Variants in UMOD observed in about 807,000 individuals in gnomAD.
UMOD encodes the protein uromodulin, also known as Tamm-Horsfall urinary glycoprotein.
UMOD carries 64 observed loss-of-function variants against 66.0 expected under a neutral mutation model. The observed-to-expected ratio is 0.97, with a 90% CI of 0.79 to 1.19. The LOEUF is 1.19. UMOD is among the 50% of genes most tolerant of loss of function. UMOD has a pLI of 0.00. For synonymous variants in UMOD, 398 were observed against 352.7 expected, an observed-to-expected ratio of 1.13 and a Z score of -1.44; for missense variants, 764 against 850.9, an observed-to-expected ratio of 0.90 and a Z score of 1.27.
At chr16:20,349,631 T>A in intron 2 of UMOD, 1 of 1,426,574 alleles carries the variant, frequency 7.0e-7, no homozygotes, top group Non-Finnish European at 9.2e-7. Context: ...ATTCATTTTT[T>A]GTGTTAAGCA....
intron 1 of UMOD, chr16:20,351,429 T>TGCCA (rs1345520835): frequency 5.6e-5 from 9 of 161,074 alleles, no homozygotes; most frequent in African/African-American, 1.9e-4. Context: ...CCAGGGTGGA[T>TGCCA]GCCAGTATTA....
chr16:20,355,620 G>A (rs1017066903), upstream of UMOD, among the ~76,000 whole-genome samples: 1 of 151,672 alleles, frequency 6.6e-6, no homozygotes, highest in Non-Finnish European at 1.5e-5. Context: ...GGCTGGTCTC[G>A]AACTCCTGAC....
At chr16:20,356,029 T>C (rs919639676), upstream of UMOD, among the ~76,000 whole-genome samples, 5 of 152,196 alleles carry the variant, frequency 3.3e-5, no homozygotes, top group African/African-American at 9.7e-5. Flanking sequence ...TAAGTGGTTT[T>C]AGGTAGTTTT....
intron 6 of UMOD, among the ~76,000 whole-genome samples, chr16:20,343,072 G>A (rs1306545533): frequency 6.6e-6 from 1 of 152,012 alleles, no homozygotes; most frequent in African/African-American, 2.4e-5. Context: ...GGAGGTTGAA[G>A]TGAGCCAAGA....
rs143583842 is a variant in UMOD at position 20,341,262 on chromosome 16, G to A, written c.1406C>T (p.Thr469Met). The A allele has an allele frequency of 1.0e-3, 1,637 of 1,614,092 alleles. 3 individuals carry two copies. The highest frequency in any genetic ancestry group is 1.5e-3 in the Admixed American group (93 of 60,006). ...RMALFQTPSYTQPYQGSSVTL... is the reference protein window; with the variant it reads ...RMALFQTPSYMQPYQGSSVTL... ...CACGGAGGAGCCTTGGTAGGGCTGC[G>A]TGTAGGAAGGGGTCTGGAAGAGCGC... is the stretch of plus-strand genomic sequence containing the variant. Residue 469 changes from threonine to methionine, a missense_variant, in exon 7 of 11, where the codon ACG becomes ATG. By Grantham distance (81) the Thr-to-Met change is moderately conservative (BLOSUM62 -1). Transcript: ENST00000396138.
At position 20,348,967 on chromosome 16, in the gene UMOD, A is replaced by C; in HGVS notation, c.334T>G (p.Cys112Gly). The change falls in exon 3 of 11, where the codon TGC (cysteine) becomes GGC (glycine). Residue 112 changes from cysteine to glycine, a missense_variant. Transcript: ENST00000396138. ...PGLGCTDVDE[C>G]AEPGLSHCHA... is the part of the protein sequence containing the mutation. ...CAGTGGCTAAGCCCAGGCTCAGCGC[A>C]CTCATCCACGTCTGTGCAGCCGAGA... 6.4e-7 allele frequency: 1 copy of C among 1,573,344 alleles called. No individual in the cohort carries two copies. The highest frequency in any genetic ancestry group is 8.6e-7 in the Non-Finnish European group (1 of 1,159,562).
rs1965394712 is a variant in UMOD, at chr16:20,344,086, A to G, written c.1269T>C (p.Phe423=). The G allele has an allele frequency of 6.2e-7, 1 of 1,613,876 alleles. No homozygotes were observed. Among genetic ancestry groups the G allele is most frequent in the East Asian group, 2.2e-5 (1 of 44,846 alleles). Residue 423 remains phenylalanine, a synonymous_variant, in exon 6 of 11, where the codon TTT becomes TTC. Transcript: ENST00000396138. ...TCATGTCCAGGGGGTAGGAGCATGC[A>G]AAGTTGATTTTGATGTTGAGGTCAC... The part of the protein sequence containing the change: ...IIRDLNIKIN[F]ACSYPLDMKV...
chr16:20,351,928 GGATTGCTTGAAC>G (rs1965914185), intron 1 of UMOD, among the ~76,000 whole-genome samples: 1 of 151,360 alleles, frequency 6.6e-6, no homozygotes. Context: ...TGAGACAGGA[GGATTGCTTGAAC>G]CTGGGAGGCA....
chr16:20,349,722 C>T (rs1440824235), intron 2 of UMOD: 2 of 1,529,252 alleles, frequency 1.3e-6, no homozygotes, highest in Non-Finnish European at 1.8e-6. Flanking sequence ...GTAGGATTTA[C>T]GGTGAACCTG....
chr16:20,348,199 C>T (rs971223067), intron 4 of UMOD, 24 bp downstream of exon 4: 2 of 1,607,608 alleles, frequency 1.2e-6, no homozygotes, highest in African/African-American at 2.7e-5. Flanking sequence ...TCTCAACAAC[C>T]CGCTTCCTCC....
At chr16:20,346,749 G>T (rs1965606228) in intron 4 of UMOD, among the ~76,000 whole-genome samples, 1 of 152,142 alleles carries the variant, frequency 6.6e-6, no homozygotes, top group South Asian at 2.1e-4. Flanking sequence ...TCTATAAAAT[G>T]AGAATACGCA....
intron 5 of UMOD, among the ~76,000 whole-genome samples, 183 bp from the exon 6 acceptor site, chr16:20,344,355 C>A (rs1965418081): frequency 1.3e-5 from 2 of 152,116 alleles, no homozygotes; most frequent in African/African-American, 2.4e-5. Flanking sequence ...GTAATCCCAG[C>A]ACTTTGGGAG....
Position 20,346,112 on chromosome 16 carries a change from T to A in UMOD, c.1182+14A>T. 6.2e-7 allele frequency: 1 copy of A among 1,611,948 alleles called. No homozygotes were observed. ...GCAGTGCTCTGGTTCTGTCCCCCAC[T>A]GGCCAGGACGTACCGTCAACACTGT... is the stretch of plus-strand genomic sequence containing the variant. On this transcript the variant is annotated intron_variant, in intron 5 of 10. Coordinates refer to ENST00000396138, the MANE Select transcript of UMOD (RefSeq NM_003361.4).
In UMOD at chr16:20,333,262, C is replaced by G. The variant is rs1201603748; in HGVS notation, c.*52G>C. On this transcript the variant is annotated 3_prime_UTR_variant, in exon 11 of 11. Coordinates refer to ENST00000396138, the MANE Select transcript of UMOD (RefSeq NM_003361.4). ...GCACTGGCCCGCATCATGCCCCCTGCCCAGCAGGAGGTGAGATGGCAGCCA... is the reference window on the plus strand; with the variant it reads ...GCACTGGCCCGCATCATGCCCCCTGGCCAGCAGGAGGTGAGATGGCAGCCA... 6.3e-7 allele frequency: 1 copy of G among 1,575,802 alleles called. No homozygotes were observed. The highest frequency in any genetic ancestry group is 1.7e-5 in the Admixed American group (1 of 58,764).
chr16:20,348,641 G>A lies in UMOD; in HGVS notation c.660C>T (p.Val220=). The change falls in exon 3 of 11, where the codon GTC becomes GTT. Residue 220 remains valine, a synonymous_variant. Transcript: ENST00000396138. Reference sequence around the variant, plus strand: ...TGGGGGCGGCCGTGTTGCAGCGCAGGACTGGCACGCAGGTCTCGGCCATGC... The same window carrying A: ...TGGGGGCGGCCGTGTTGCAGCGCAGAACTGGCACGCAGGTCTCGGCCATGC... ...GARMAETCVP[V]LRCNTAAPMW... is the part of the protein sequence containing the mutation. 1 of 1,573,708 alleles carries A rather than the reference G, an allele frequency of 6.4e-7. No individual in the cohort carries two copies. The highest frequency in any genetic ancestry group is 8.6e-7 in the Non-Finnish European group (1 of 1,164,124).
intron 10 of UMOD, 70 bp downstream of exon 10, chr16:20,335,412 A>C: frequency 6.7e-7 from 1 of 1,495,206 alleles, no homozygotes. Context: ...GAAGCATTAC[A>C]AGTTAACAGA....
intron 9 of UMOD, 46 bp from the exon 10 acceptor site, chr16:20,335,566 T>C: frequency 1.3e-6 from 2 of 1,593,904 alleles, no homozygotes; most frequent in Non-Finnish European, 1.7e-6. Context: ...ATGCATGAGA[T>C]TTGGCAAGCA....
At chr16:20,351,235 T>A in intron 1 of UMOD, 1 of 224,672 alleles carries the variant, frequency 4.5e-6, no homozygotes, top group South Asian at 7.9e-5. Flanking sequence ...AGTAGCTACA[T>A]TGTGCCAAAC....
chr16:20,337,340 A>C lies in UMOD; in HGVS notation c.1691T>G (p.Leu564Arg). 6.2e-7 allele frequency: 1 copy of C among 1,614,226 alleles called. No homozygotes were observed. Among genetic ancestry groups the C allele is most frequent in the South Asian group, 1.1e-5 (1 of 91,078 alleles). Residue 564 changes from leucine (L) to arginine (R), a missense_variant, in exon 8 of 11, where the codon CTG becomes CGG. Leu to Arg is a moderately radical substitution (Grantham distance 102). Transcript: ENST00000396138. ...RFAGNYDLVYLHCEVYLCDTM... is the reference protein window; with the variant it reads ...RFAGNYDLVYRHCEVYLCDTM... ...GTCACAGAGATAGACTTCACAGTGCAGGTAGACTAGGTCATAGTTTCCAGC... is the reference window on the plus strand; with the variant it reads ...GTCACAGAGATAGACTTCACAGTGCCGGTAGACTAGGTCATAGTTTCCAGC...
Sources: gnomAD v4.1 joint callset for allele counts (sites outside exome capture counted in the v4.1 genomes callset) on GRCh38, gnomAD v4.1.1 for gene constraint, MANE v1.5 for transcripts, NCBI Gene and HGNC (gene_info 2026-07-23, HGNC 2026-07-21) for gene names.